Variants in ZNF839 observed in about 807,000 individuals in gnomAD.
The protein encoded by ZNF839 is renal carcinoma antigen NY-REN-50.
A neutral mutation model predicts 56.4 loss-of-function variants in ZNF839; 38 were observed. The ratio of observed to expected loss-of-function variants is 0.67; its 90% CI spans 0.52 to 0.88. ZNF839 has a LOEUF of 0.88. ZNF839 is among the 40% of genes least tolerant of loss of function. The pLI, the probability that ZNF839 is intolerant of heterozygous loss-of-function variation, is 0.00. For missense variants in ZNF839, 1,091 were observed against 1,177.6 expected (o/e 0.93, Z 1.08); for synonymous variants, 486 against 493.5 (o/e 0.98, Z 0.20).
intron 5 of ZNF839, 83 bp from the exon 6 acceptor site, chr14:102,338,733 C>T (rs527894750): frequency 3.9e-5 from 62 of 1,574,372 alleles, no homozygotes; most frequent in Middle Eastern, 1.7e-4. Flanking sequence ...TCTATGAAGT[C>T]GTTTAATTCT....
intron 1 of ZNF839, among the ~76,000 whole-genome samples, chr14:102,325,184 G>A (rs1416987146): frequency 5.9e-5 from 9 of 151,788 alleles, no homozygotes; most frequent in African/African-American, 1.9e-4. Context: ...GGTGAAACCC[G>A]TCTCTACCAA....
intron 7 of ZNF839, among the ~76,000 whole-genome samples, chr14:102,340,602 G>A (rs1431250359): frequency 1.3e-5 from 2 of 152,204 alleles, no homozygotes; most frequent in Middle Eastern, 3.4e-3. Context: ...TGGGGCATGT[G>A]TTGGAACCAC....
chr14:102,330,191 T>C (rs1375459123), intron 2 of ZNF839, among the ~76,000 whole-genome samples: 1 of 152,096 alleles, frequency 6.6e-6, no homozygotes, highest in Admixed American at 6.6e-5. Context: ...TTCAGTGTTG[T>C]AGTATTTAGT....
At chr14:102,318,161 C>A (rs1260710935), upstream of ZNF839, among the ~76,000 whole-genome samples, 3 of 152,250 alleles carry the variant, frequency 2.0e-5, no homozygotes, top group South Asian at 2.1e-4. Context: ...TTAAAATAGA[C>A]ATCTGTACAC....
In ZNF839 at chr14:102,335,740, T is replaced by G. The variant is rs769110840; in HGVS notation, c.1561T>G (p.Phe521Val). 5.0e-6 allele frequency: 8 copies of G among 1,601,284 alleles called. No homozygotes were observed. The highest frequency in any genetic ancestry group is 6.8e-6 in the Non-Finnish European group (8 of 1,179,700). The part of the protein sequence containing the change: ...KPFFPAIYKE[F>V]EELHKMVKKM... Reference sequence around the variant, plus strand: ...TTTTTTCCCAGCTATATATAAGGAATTTGAAGAGTTGCATAAAATGGTTAA... The same window carrying G: ...TTTTTTCCCAGCTATATATAAGGAAGTTGAAGAGTTGCATAAAATGGTTAA... The change falls in exon 5 of 8, where the codon TTT becomes GTT. Residue 521 changes from phenylalanine to valine, a missense_variant. Phe to Val is a conservative substitution (Grantham distance 50). Transcript: ENST00000442396.
chr14:102,328,415 TACAC>T (rs1360070841), intron 2 of ZNF839, among the ~76,000 whole-genome samples: 4 of 120,372 alleles, frequency 3.3e-5, no homozygotes, highest in Admixed American at 8.8e-5. Context: ...TATATATGTA[TACAC>T]ACACACACAT....
intron 2 of ZNF839, among the ~76,000 whole-genome samples, chr14:102,330,488 T>C (rs1431015330): frequency 6.7e-6 from 1 of 149,294 alleles, no homozygotes; most frequent in African/African-American, 2.5e-5. Context: ...CCTGCCTCAG[T>C]CCCCGAAAGT....
chr14:102,329,526 A>G lies in ZNF839; in HGVS notation c.1192-2096A>G, dbSNP rs530479515. On this transcript the variant is annotated intron_variant, in intron 2 of 7. Transcript: ENST00000442396. ...CAGCCTTTTTAGTCGCTGGAATTAC[A>G]GGCGTGTGCTACCATGCCTGGCTAA... 7.2e-5 allele frequency among the ~76,000 whole-genome samples: 11 copies of G among 152,012 alleles called. 1 individual carries two copies. In the South Asian group the frequency reaches 2.1e-3, roughly 29 times the overall value.
intron 5 of ZNF839, 105 bp from the exon 6 acceptor site, chr14:102,338,711 T>C: frequency 1.3e-6 from 2 of 1,512,550 alleles, no homozygotes; most frequent in Admixed American, 1.9e-5. Flanking sequence ...TGAGGAACTT[T>C]GTAGATTTAA....
Position 102,341,838 on chromosome 14 carries a change from T to C in ZNF839, c.2443T>C (p.Tyr815His). 1.2e-6 allele frequency: 2 copies of C among 1,614,010 alleles called. No homozygotes were observed. The highest frequency in any genetic ancestry group is 8.5e-7 in the Non-Finnish European group (1 of 1,179,900). ...SVDSVAVDCA[Y>H]RTVPKPGPQP... ...GGATAGCGTGGCAGTGGACTGTGCC[T>C]ACAGGACTGTGCCCAAGCCAGGGCC... Residue 815 changes from tyrosine to histidine, a missense_variant, in exon 8 of 8, where the codon TAC becomes CAC. Tyr to His is a moderately conservative substitution (Grantham distance 83). Transcript: ENST00000442396.
rs575082182 is a variant in ZNF839, at chr14:102,331,480, C to T, written c.1192-142C>T. 7.1e-4 allele frequency: 482 copies of T among 676,974 alleles called. 4 individuals carry two copies. In the African/African-American group the frequency reaches 7.9e-3, roughly 11 times the overall value. 41.9% of individuals were successfully genotyped at this position (676,974 alleles called of 1,614,324 possible). ...GGCCAGGTCGGTCTCAAACTCCTAA[C>T]CTCAAATGATCCACCCGCCTTGGGC... On this transcript the variant is annotated intron_variant, in intron 2 of 7. Transcript: ENST00000442396.
chr14:102,323,617 C>A (rs1742056104), intron 1 of ZNF839, among the ~76,000 whole-genome samples: 1 of 152,112 alleles, frequency 6.6e-6, no homozygotes, highest in African/African-American at 2.4e-5. Context: ...TCTTTGTGGC[C>A]ACCTGCGTGT....
upstream of ZNF839, among the ~76,000 whole-genome samples, chr14:102,318,917 C>T (rs1397315471): frequency 1.3e-5 from 2 of 152,156 alleles, no homozygotes; most frequent in Non-Finnish European, 2.9e-5. Context: ...AGCGGTTCAC[C>T]CACCAGGTGC....
At chr14:102,324,972 A>G (rs2073332952) in intron 1 of ZNF839, among the ~76,000 whole-genome samples, 3 of 152,072 alleles carry the variant, frequency 2.0e-5, no homozygotes, top group Admixed American at 2.0e-4. Context: ...AAAACCTCAC[A>G]TGGGTAAAAC....
chr14:102,334,737 C>T, intron 4 of ZNF839, 91 bp downstream of exon 4: 1 of 667,742 alleles, frequency 1.5e-6, no homozygotes, highest in Non-Finnish European at 2.2e-6. Flanking sequence ...TTTCAATAGC[C>T]TGCATAGTTG....
chr14:102,317,723 T>A (rs1369716224), upstream of ZNF839: 3 of 152,210 alleles, frequency 2.0e-5, no homozygotes, highest in Non-Finnish European at 4.4e-5. Flanking sequence ...ATGACTGCCA[T>A]GTTTTTAGTG....
intron 1 of ZNF839, 93 bp downstream of exon 1, chr14:102,320,146 C>T (rs1382953353): frequency 2.9e-6 from 3 of 1,048,330 alleles, no homozygotes; most frequent in South Asian, 4.6e-5. Flanking sequence ...GGCCAGTATC[C>T]GCCCGGGTTA....
At chr14:102,327,622 A>T (rs2044780208) in intron 2 of ZNF839, among the ~76,000 whole-genome samples, 1 of 152,206 alleles carries the variant, frequency 6.6e-6, no homozygotes, top group South Asian at 2.1e-4. Flanking sequence ...AATCAGTCCC[A>T]GTTCCTGCCC....
At chr14:102,329,903 C>T (rs2073690140) in intron 2 of ZNF839, among the ~76,000 whole-genome samples, 1 of 149,540 alleles carries the variant, frequency 6.7e-6, no homozygotes, top group Non-Finnish European at 1.5e-5. Context: ...AGGCGATTCT[C>T]CTGCCTCAGC....
Sources: allele counts gnomAD v4.1 joint callset (sites outside exome capture counted in the v4.1 genomes callset), GRCh38; gene constraint gnomAD v4.1.1; transcripts MANE v1.5; gene names NCBI Gene and HGNC (gene_info 2026-07-23, HGNC 2026-07-21).